ZMYND8: variants seen among roughly 807,000 people sequenced by gnomAD.
The protein encoded by ZMYND8 is MYND-type zinc finger-containing chromatin reader ZMYND8.
ZMYND8 carries 37 observed loss-of-function variants against 140.8 expected under a neutral mutation model. That is an observed-to-expected ratio of 0.26 (90% CI 0.20 to 0.35). The LOEUF is 0.35. ZMYND8 is among the 10% of genes least tolerant of loss of function. The probability of loss-of-function intolerance (pLI) is 1.00; values close to 1 mark genes in which losing one functional copy is unlikely to be tolerated. For synonymous variants in ZMYND8, 592 were observed against 597.1 expected (o/e 0.99, Z 0.12); for missense variants, 1,068 against 1,570.0 (o/e 0.68, Z 5.40).
At chr20:47,313,420 A>G (rs2079105561) in intron 2 of ZMYND8, among the ~76,000 whole-genome samples, 2 of 151,314 alleles carry the variant, frequency 1.3e-5, no homozygotes, top group South Asian at 4.2e-4. Flanking sequence ...CAGGAGATCG[A>G]GACCATCCTG....
chr20:47,250,970 C>G (rs1223124585), intron 12 of ZMYND8, among the ~76,000 whole-genome samples: 1 of 151,668 alleles, frequency 6.6e-6, no homozygotes, highest in East Asian at 1.9e-4. Context: ...AGTGGCTGTA[C>G]TGAGCTATGA....
At chr20:47,325,029 C>T (rs559759031) in intron 2 of ZMYND8, among the ~76,000 whole-genome samples, 187 of 152,210 alleles carry the variant, frequency 1.2e-3, no homozygotes, top group East Asian at 7.7e-4. Context: ...CTCAGCCTCT[C>T]GAGTAGCTGG....
Position 47,276,814 on chromosome 20 carries a change from A to G in ZMYND8, c.999-19T>C. On this transcript the variant is annotated intron_variant, in intron 10 of 22. Coordinates refer to ENST00000471951, the MANE Select transcript of ZMYND8 (RefSeq NM_001281775.3). ...CCAGGCCCTAGAAGGGCAAAAGATA[A>G]AGAGAGTTTAAGTCAACTTCAGTAA... The G allele has an allele frequency of 1.3e-6, 2 of 1,557,920 alleles. No individual in the cohort carries two copies. The highest frequency in any genetic ancestry group is 4.5e-5 in the East Asian group (2 of 44,390).
At chr20:47,307,414 C>A (rs988791971) in intron 3 of ZMYND8, among the ~76,000 whole-genome samples, 4 of 151,986 alleles carry the variant, frequency 2.6e-5, no homozygotes, top group African/African-American at 9.7e-5. Context: ...GCTGAGACTA[C>A]ACCACTGCAC....
At chr20:47,222,692 A>C (rs1039721281) in intron 19 of ZMYND8, among the ~76,000 whole-genome samples, 1 of 152,278 alleles carries the variant, frequency 6.6e-6, no homozygotes, top group Admixed American at 6.5e-5. Context: ...GAGGGAAAAC[A>C]CAAAGAGACT....
At chr20:47,286,689 A>C (rs2076943271) in intron 8 of ZMYND8, among the ~76,000 whole-genome samples, 1 of 152,152 alleles carries the variant, frequency 6.6e-6, no homozygotes, top group Admixed American at 6.5e-5. Flanking sequence ...GCTCCCTCAT[A>C]CCATTTTGGC....
At chr20:47,272,082 C>CT (rs957898850) in intron 11 of ZMYND8, among the ~76,000 whole-genome samples, 17 of 149,488 alleles carry the variant, frequency 1.1e-4, no homozygotes, top group East Asian at 9.9e-4. Context: ...TATGAAACCT[C>CT]TTTTTTTTTC....
At chr20:47,247,179 C>T (rs2147295287) in intron 13 of ZMYND8, among the ~76,000 whole-genome samples, 1 of 152,336 alleles carries the variant, frequency 6.6e-6, no homozygotes, top group African/African-American at 2.4e-5. Flanking sequence ...TGTTGTCCAA[C>T]TCACAAATCA....
chr20:47,222,324 AG>A (rs906084119), intron 19 of ZMYND8, among the ~76,000 whole-genome samples: 2 of 151,958 alleles, frequency 1.3e-5, no homozygotes, highest in Non-Finnish European at 2.9e-5. Context: ...TCACGAGGTC[AG>A]GAGATCAAGA....
intron 2 of ZMYND8, among the ~76,000 whole-genome samples, chr20:47,313,413 G>A (rs1195134354): frequency 6.6e-6 from 1 of 150,852 alleles, no homozygotes; most frequent in Admixed American, 6.6e-5. Context: ...ACAAAGTCAG[G>A]AGATCGAGAC....
chr20:47,255,752 A>ATATTTGTATGTG (rs2074630489), intron 12 of ZMYND8, among the ~76,000 whole-genome samples: 1 of 103,506 alleles, frequency 9.7e-6, no homozygotes, highest in Non-Finnish European at 1.8e-5. Context: ...ATATATATAT[A>ATATTTGTATGTG]TATATATATA....
intron 12 of ZMYND8, among the ~76,000 whole-genome samples, chr20:47,257,187 C>T (rs1336291708): frequency 6.6e-6 from 1 of 152,090 alleles, no homozygotes; most frequent in Non-Finnish European, 1.5e-5. Context: ...TGAGGGGAAA[C>T]AGTGAATTAG....
At chr20:47,289,672 T>C (rs560965006) in intron 7 of ZMYND8, among the ~76,000 whole-genome samples, 1 of 150,954 alleles carries the variant, frequency 6.6e-6, no homozygotes, top group South Asian at 2.1e-4. Flanking sequence ...CACAGATGAC[T>C]CCTCAAAATA....
intron 8 of ZMYND8, chr20:47,285,778 A>G (rs1601598488): frequency 1.0e-6 from 1 of 984,388 alleles, no homozygotes; most frequent in East Asian, 1.1e-4. Flanking sequence ...TGTTGTATGT[A>G]ATACTATACA....
At chr20:47,274,723 G>C (rs2076155675) in intron 11 of ZMYND8, among the ~76,000 whole-genome samples, 1 of 152,126 alleles carries the variant, frequency 6.6e-6, no homozygotes, top group African/African-American at 2.4e-5. Context: ...GAAAGATATA[G>C]ACTGCAGCCT....
chr20:47,215,378 C>CTAA (rs150425292), intron 21 of ZMYND8, among the ~76,000 whole-genome samples: 14 of 151,530 alleles, frequency 9.2e-5, no homozygotes, highest in African/African-American at 1.7e-4. Flanking sequence ...ATCTCAAATA[C>CTAA]TAATAATAAT....
At chr20:47,254,254 A>C (rs1452596291) in intron 12 of ZMYND8, among the ~76,000 whole-genome samples, 9 of 152,356 alleles carry the variant, frequency 5.9e-5, no homozygotes, top group Admixed American at 4.6e-4. Context: ...AAAAGGCACG[A>C]TCTTACATTT....
chr20:47,275,592 T>A (rs1166485164), intron 11 of ZMYND8, among the ~76,000 whole-genome samples: 1 of 152,042 alleles, frequency 6.6e-6, no homozygotes, highest in African/African-American at 2.4e-5. Context: ...GTTTTTTACC[T>A]TTTTTTGTTT....
chr20:47,231,711 C>T (rs1035307557), intron 16 of ZMYND8, among the ~76,000 whole-genome samples: 12 of 152,256 alleles, frequency 7.9e-5, no homozygotes, highest in South Asian at 2.1e-4. Context: ...AAACACTCTG[C>T]GCTTTCCACG....
Sources: allele counts gnomAD v4.1 joint callset (sites outside exome capture counted in the v4.1 genomes callset), GRCh38; gene constraint gnomAD v4.1.1; transcripts MANE v1.5; gene names NCBI Gene and HGNC (gene_info 2026-07-23, HGNC 2026-07-21).